Variants in SLC7A11 observed in about 807,000 individuals in gnomAD.
SLC7A11 encodes cystine/glutamate transporter.
In SLC7A11, 35 loss-of-function variants were observed where a neutral mutation model predicts 54.5. The observed-to-expected ratio is 0.64, with a 90% CI of 0.49 to 0.85. SLC7A11 has a LOEUF of 0.85. SLC7A11 is among the 40% of genes least tolerant of loss of function. SLC7A11 has a pLI of 0.00. For synonymous variants in SLC7A11, 230 were observed against 225.2 expected, an observed-to-expected ratio of 1.02 and a Z score of -0.19; for missense variants, 583 against 618.1, an observed-to-expected ratio of 0.94 and a Z score of 0.60.
chr4:138,216,666 G>A (rs1737689052), intron 5 of SLC7A11, among the ~76,000 whole-genome samples: 1 of 152,156 alleles, frequency 6.6e-6, no homozygotes, highest in Non-Finnish European at 1.5e-5. Context: ...GGGCTTGGTG[G>A]TATCTTTTTC....
chr4:138,185,389 T>A, intron 6 of SLC7A11, 145 bp from the exon 7 acceptor site: 1 of 917,198 alleles, frequency 1.1e-6, no homozygotes, highest in Non-Finnish European at 1.6e-6. Context: ...AAACATTTCA[T>A]CAGGGCAAAA....
rs1736239532 is a variant in SLC7A11 at position 138,165,730 on chromosome 4, T to C, written c.*6226A>G. On this transcript the variant is annotated 3_prime_UTR_variant, in exon 12 of 12. Transcript: ENST00000280612. ...ATTGTCCTAAAAGAGTAAAGTGTTG[T>C]TTCCTTTCTGAACATGAATAACATC... is the stretch of plus-strand genomic sequence containing the variant. The C allele has an allele frequency of 6.6e-6, 1 of 152,170 alleles. No individual in the cohort carries two copies. Among genetic ancestry groups the C allele is most frequent in the Non-Finnish European group, 1.5e-5 (1 of 68,014 alleles). 9.4% of individuals were successfully genotyped at this position (152,170 alleles called of 1,614,324 possible).
intron 1 of SLC7A11, among the ~76,000 whole-genome samples, chr4:138,239,947 C>T (rs951378069): frequency 6.6e-6 from 1 of 152,140 alleles, no homozygotes; most frequent in African/African-American, 2.4e-5. Context: ...GATTTAAAGG[C>T]TGAGGGTGCA....
At chr4:138,208,756 G>T (rs752211521) in intron 6 of SLC7A11, among the ~76,000 whole-genome samples, 2 of 151,218 alleles carry the variant, frequency 1.3e-5, no homozygotes, top group Non-Finnish European at 2.9e-5. Context: ...ATTAATTTGT[G>T]GAGTCAGCCA....
At chr4:138,181,007 T>C (rs538490308) in intron 9 of SLC7A11, among the ~76,000 whole-genome samples, 3 of 152,132 alleles carry the variant, frequency 2.0e-5, no homozygotes, top group Non-Finnish European at 4.4e-5. Flanking sequence ...ATATGGCCAT[T>C]ATACTTTATT....
rs574484420 is a variant in SLC7A11 at position 138,168,141 on chromosome 4, C to T, written c.*3815G>A. Reference sequence around the variant, plus strand: ...TTTGTGGGGGTAGAAGTGTACACAACTTTGCTGGTCTTCTTCAACAAAATT... The same window carrying T: ...TTTGTGGGGGTAGAAGTGTACACAATTTTGCTGGTCTTCTTCAACAAAATT... On this transcript the variant is annotated 3_prime_UTR_variant, in exon 12 of 12. Transcript: ENST00000280612. 1.8e-4 allele frequency: 28 copies of T among 152,262 alleles called. No individual in the cohort carries two copies. Among genetic ancestry groups the T allele is most frequent in the African/African-American group, 6.0e-4 (25 of 41,560 alleles). The allele number at this position is 152,262 out of a possible 1,614,324, so 9.4% of individuals were successfully genotyped here.
chr4:138,234,691 T>C (rs983692694), intron 2 of SLC7A11, among the ~76,000 whole-genome samples: 4 of 152,202 alleles, frequency 2.6e-5, no homozygotes, highest in African/African-American at 9.6e-5. Context: ...AATAAATAAA[T>C]TAATATATGA....
chr4:138,166,453 G>A lies in SLC7A11; in HGVS notation c.*5503C>T, dbSNP rs561261601. 69 of 152,574 alleles carry A rather than the reference G, an allele frequency of 4.5e-4. No homozygotes were observed. Among genetic ancestry groups the A allele is most frequent in the African/African-American group, 1.6e-3 (66 of 41,532 alleles). The allele number at this position is 152,574 out of a possible 1,614,324, so 9.5% of individuals were successfully genotyped here. A position where few individuals can be genotyped will look rare whatever the true frequency, so the allele number is the denominator to read the frequency against. On this transcript the variant is annotated 3_prime_UTR_variant, in exon 12 of 12. Transcript: ENST00000280612. ...TTTTTTCCCCTCTGGCTTTCAGCAC[G>A]GCCTTCTGAGGCTTTAACAAGAGGT...
In SLC7A11 at chr4:138,171,826, T is replaced by C. The variant is rs990774965; in HGVS notation, c.*130A>G. 18 of 1,168,314 alleles carry C rather than the reference T, an allele frequency of 1.5e-5. No homozygotes were observed. The East Asian group carries it at 5.2e-4, about 33-fold the overall frequency. The allele number at this position is 1,168,314 out of a possible 1,614,324, so 72.4% of individuals were successfully genotyped here. On this transcript the variant is annotated 3_prime_UTR_variant, in exon 12 of 12. Coordinates refer to ENST00000280612, the MANE Select transcript of SLC7A11 (RefSeq NM_014331.4). ...ATTAGTTCGAATATGCTAAAATATA[T>C]GAATAAAAATAACTGACTCCTTTTG...
Position 138,202,394 on chromosome 4 carries a change from C to T in SLC7A11, c.791+12191G>A, listed in dbSNP as rs1047960630. On this transcript the variant is annotated intron_variant, in intron 6 of 11. Transcript: ENST00000280612. ...ACTAAGTTTCCATTTTGAAGGGGTG[C>T]CAGTTTGGACTCATTTCCTCCATTT... Among the ~76,000 whole-genome samples the T allele has an allele frequency of 3.3e-5, 5 of 151,936 alleles. No homozygotes were observed. The South Asian group carries it at 1.0e-3, about 31-fold the overall frequency.
intron 6 of SLC7A11, among the ~76,000 whole-genome samples, chr4:138,198,294 A>T (rs908067716): frequency 1.3e-5 from 2 of 152,136 alleles, no homozygotes; most frequent in Admixed American, 6.5e-5. Flanking sequence ...GTAAGCTGTG[A>T]TCATAAAGAA....
intron 11 of SLC7A11, among the ~76,000 whole-genome samples, chr4:138,172,342 A>G (rs1323104205): frequency 6.6e-6 from 1 of 152,220 alleles, no homozygotes; most frequent in Non-Finnish European, 1.5e-5. Context: ...AATACACTTT[A>G]TATCAGTTTA....
At position 138,182,308 on chromosome 4, in the gene SLC7A11, C is replaced by T. The variant is rs773463103; in HGVS notation, c.1105G>A (p.Val369Ile). ...TTAATATGCATTACCAAAACAATAACAGCTGGTAGAGGAGTGTGCTTGCGG... is the reference window on the plus strand; with the variant it reads ...TTAATATGCATTACCAAAACAATAATAGCTGGTAGAGGAGTGTGCTTGCGG... ...HVRKHTPLPA[V>I]IVLHPLTMIM... The change falls in exon 9 of 12, where the codon GTT (valine) becomes ATT (isoleucine). Residue 369 changes from valine (V) to isoleucine (I), a missense_variant. Physicochemically the swap from Val to Ile is conservative, Grantham distance 29. Transcript: ENST00000280612. 6.2e-7 allele frequency: 1 copy of T among 1,605,224 alleles called. No individual in the cohort carries two copies. The highest frequency in any genetic ancestry group is 8.5e-7 in the Non-Finnish European group (1 of 1,172,466).
At chr4:138,220,229 C>T (rs574906251) in intron 4 of SLC7A11, among the ~76,000 whole-genome samples, 8 of 151,986 alleles carry the variant, frequency 5.3e-5, no homozygotes, top group Non-Finnish European at 1.0e-4. Flanking sequence ...TGAGCCACTG[C>T]GTCTGGCTGC....
At position 138,236,315 on chromosome 4, in the gene SLC7A11, A is replaced by T; in HGVS notation, c.404+10T>A. On this transcript the variant is annotated intron_variant, in intron 2 of 11. Transcript: ENST00000280612. ...TTATTTTTTCTTAATTCTTTCTACT[A>T]TGCTCTTACCGTATTATGAGGAGTT... is the stretch of plus-strand genomic sequence containing the variant. 3.8e-6 allele frequency: 6 copies of T among 1,599,520 alleles called. No individual in the cohort carries two copies. The highest frequency in any genetic ancestry group is 5.1e-6 in the Non-Finnish European group (6 of 1,175,598).
Position 138,168,057 on chromosome 4 carries a change from T to C in SLC7A11, c.*3899A>G, listed in dbSNP as rs1560712145. 1.3e-5 allele frequency: 2 copies of C among 152,320 alleles called. No homozygotes were observed. The highest frequency in any genetic ancestry group is 2.1e-4 in the South Asian group (1 of 4,818). The allele number at this position is 152,320 out of a possible 1,614,324, so 9.4% of individuals were successfully genotyped here. A position where few individuals can be genotyped will look rare whatever the true frequency, so the allele number is the denominator to read the frequency against. On this transcript the variant is annotated 3_prime_UTR_variant, in exon 12 of 12. Transcript: ENST00000280612. The stretch of plus-strand genomic sequence containing the variant: ...TTTAAAAACATATCCTCCATACTTA[T>C]TTCTAACAGAAAAAAATAACAGGAA...
In SLC7A11 at chr4:138,166,077, AG is replaced by A. The variant is rs1736249047; in HGVS notation, c.*5878del. The stretch of plus-strand genomic sequence containing the variant: ...GGGAACAATCTGTTTCATTCTTCAA[AG>A]TATGTTTGTACTTTGGAATGAAGGA... On this transcript the variant is annotated 3_prime_UTR_variant, in exon 12 of 12. Transcript: ENST00000280612. 6.6e-6 allele frequency: 1 copy of A among 152,136 alleles called. No homozygotes were observed. Among genetic ancestry groups the A allele is most frequent in the Non-Finnish European group, 1.5e-5 (1 of 67,998 alleles). The allele number at this position is 152,136 out of a possible 1,614,324, so 9.4% of individuals were successfully genotyped here.
rs184307623 is a variant in SLC7A11 at position 138,168,822 on chromosome 4, T to C, written c.*3134A>G. 1 of 152,244 alleles carries C rather than the reference T, an allele frequency of 6.6e-6. No individual in the cohort carries two copies. Among genetic ancestry groups the C allele is most frequent in the African/African-American group, 2.4e-5 (1 of 41,474 alleles). The allele number at this position is 152,244 out of a possible 1,614,324, so 9.4% of individuals were successfully genotyped here. On this transcript the variant is annotated 3_prime_UTR_variant, in exon 12 of 12. Transcript: ENST00000280612. ...TCTAAAGAAGGACAAGAATAAGGTC[T>C]ACTTTCAGCTAACCATTTATAAGGT...
chr4:138,178,532 G>A (rs1736639475), intron 11 of SLC7A11, among the ~76,000 whole-genome samples: 1 of 152,030 alleles, frequency 6.6e-6, no homozygotes, highest in South Asian at 2.1e-4. Flanking sequence ...GATATTTCTG[G>A]TTCTAGGTTC....
Sources: gnomAD v4.1 joint callset for allele counts (sites outside exome capture counted in the v4.1 genomes callset) on GRCh38, gnomAD v4.1.1 for gene constraint, MANE v1.5 for transcripts, NCBI Gene and HGNC (gene_info 2026-07-23, HGNC 2026-07-21) for gene names.